LRP1B: variants seen among roughly 807,000 people sequenced by gnomAD.
LRP1B encodes LDL receptor related protein 1B, also known as low-density lipoprotein receptor-related protein 1B.
Under a neutral mutation model 556.6 loss-of-function variants are expected in LRP1B, and 217 were observed. The observed-to-expected ratio is 0.39, with a 90% CI of 0.35 to 0.44. LRP1B has a LOEUF of 0.44. Among genes scored for constraint, LRP1B ranks in the 20% least tolerant of loss-of-function variants. The pLI is 1.00. For synonymous variants in LRP1B, 2,047 were observed against 1,865.8 expected (o/e 1.10, Z -2.50); for missense variants, 5,053 against 5,620.8 (o/e 0.90, Z 3.23).
chr2:141,181,752 G>A (rs1249424), intron 7 of LRP1B, among the ~76,000 whole-genome samples: 151,763 of 152,042 alleles, frequency 1, 75,742 homozygotes, highest in Middle Eastern at 1. Flanking sequence ...TTGTAATAGA[G>A]ATATAATTTA....
rs571655963 is a variant in LRP1B, at chr2:140,457,688, G to A, written c.9626-37C>T. The A allele has an allele frequency of 2.5e-5, 38 of 1,508,208 alleles. No homozygotes were observed. The East Asian group carries it at 8.2e-4, about 33-fold the overall frequency. The allele number at this position is 1,508,208 out of a possible 1,614,324, so 93.4% of individuals were successfully genotyped here. A position where few individuals can be genotyped will look rare whatever the true frequency, so the allele number is the denominator to read the frequency against. ...GATGGTAAGATTAATGTTCAGTCTT[G>A]GAAGACTGCCAGTTAAAATATTCAA... is the stretch of plus-strand genomic sequence containing the variant. On this transcript the variant is annotated intron_variant, in intron 60 of 90. Transcript: ENST00000389484.
chr2:141,219,523 G>A (rs1682949151), intron 6 of LRP1B, among the ~76,000 whole-genome samples: 2 of 152,212 alleles, frequency 1.3e-5, no homozygotes, highest in Admixed American at 6.5e-5. Context: ...CCTGTCTGCT[G>A]GCAGTCCAGA....
chr2:140,921,565 T>G (rs1694737200), intron 21 of LRP1B, among the ~76,000 whole-genome samples: 1 of 152,024 alleles, frequency 6.6e-6, no homozygotes, highest in South Asian at 2.1e-4. Context: ...CTGCTAATTT[T>G]CAATTAATAC....
chr2:142,024,916 G>C (rs1703456357), intron 1 of LRP1B, among the ~76,000 whole-genome samples: 1 of 152,044 alleles, frequency 6.6e-6, no homozygotes, highest in African/African-American at 2.4e-5. Context: ...TGGAGATAAA[G>C]AGAATACAAA....
rs572498292 is a variant in LRP1B, at chr2:140,463,454, T to C, written c.9626-5803A>G. The stretch of plus-strand genomic sequence containing the variant: ...TACAACGAGCAGCTCTGAAGTGTTT[T>C]GTTCAATTTTGGCCTCTGTGAACAT... On this transcript the variant is annotated intron_variant, in intron 60 of 90. Transcript: ENST00000389484. 4.6e-5 allele frequency among the ~76,000 whole-genome samples: 7 copies of C among 152,346 alleles called. No individual in the cohort carries two copies. In the South Asian group the frequency reaches 1.4e-3, roughly 32 times the overall value.
At chr2:140,952,521 C>CA (rs771527069) in intron 18 of LRP1B, among the ~76,000 whole-genome samples, 23 of 147,388 alleles carry the variant, frequency 1.6e-4, no homozygotes, top group Middle Eastern at 3.2e-3. Flanking sequence ...ACAACAACAA[C>CA]AAAAAAAACA....
At chr2:140,732,251 C>G (rs1051804297) in intron 35 of LRP1B, among the ~76,000 whole-genome samples, 1 of 151,740 alleles carries the variant, frequency 6.6e-6, no homozygotes, top group Admixed American at 6.6e-5. Flanking sequence ...GAAAGGAAGT[C>G]CACATTTTAA....
intron 1 of LRP1B, among the ~76,000 whole-genome samples, chr2:141,888,134 C>G (rs1387932958): frequency 1.3e-5 from 2 of 152,096 alleles, no homozygotes; most frequent in Non-Finnish European, 2.9e-5. Flanking sequence ...ATGGACTTTG[C>G]CTAAAGTGGT....
intron 41 of LRP1B, among the ~76,000 whole-genome samples, chr2:140,670,832 C>A (rs566657302): frequency 6.6e-6 from 1 of 152,192 alleles, no homozygotes; most frequent in African/African-American, 2.4e-5. Context: ...TCGAAAATGG[C>A]AGTAGGAAGT....
chr2:140,407,784 A>C (rs966075822), intron 66 of LRP1B, among the ~76,000 whole-genome samples: 2 of 152,020 alleles, frequency 1.3e-5, no homozygotes, highest in African/African-American at 4.8e-5. Context: ...TCCTTAAAGA[A>C]CTAAGAACAG....
chr2:141,378,558 C>G lies in LRP1B; in HGVS notation c.343+101838G>C, dbSNP rs78914213. Among the ~76,000 whole-genome samples the G allele has an allele frequency of 9.2e-3, 1,400 of 152,196 alleles. 22 individuals are homozygous for G. The highest frequency in any genetic ancestry group is 0.032 in the African/African-American group (1,320 of 41,542). Reference sequence around the variant, plus strand: ...GCTCATGCCTGTTGTACCAGCTACTCAGGAAGCTGAGGCAGGATAATTGCT... The same window carrying G: ...GCTCATGCCTGTTGTACCAGCTACTGAGGAAGCTGAGGCAGGATAATTGCT... On this transcript the variant is annotated intron_variant, in intron 3 of 90. Coordinates refer to ENST00000389484, the MANE Select transcript of LRP1B (RefSeq NM_018557.3).
At chr2:140,305,684 A>C (rs948184977) in intron 83 of LRP1B, among the ~76,000 whole-genome samples, 1 of 152,120 alleles carries the variant, frequency 6.6e-6, no homozygotes, top group Non-Finnish European at 1.5e-5. Flanking sequence ...AACTTGCAAC[A>C]CTATGTTGAA....
intron 3 of LRP1B, among the ~76,000 whole-genome samples, chr2:141,396,190 A>T (rs549908877): frequency 1.3e-5 from 2 of 152,180 alleles, no homozygotes; most frequent in Non-Finnish European, 1.5e-5. Flanking sequence ...AATGTAACTC[A>T]ATATATGAAG....
At chr2:140,819,890 T>A (rs1691261149) in intron 31 of LRP1B, among the ~76,000 whole-genome samples, 1 of 152,190 alleles carries the variant, frequency 6.6e-6, no homozygotes, top group African/African-American at 2.4e-5. Context: ...TGACATTTTC[T>A]TATAAAATTC....
chr2:140,629,864 A>G (rs1336783285), intron 41 of LRP1B, among the ~76,000 whole-genome samples: 1 of 152,218 alleles, frequency 6.6e-6, no homozygotes, highest in Non-Finnish European at 1.5e-5. Flanking sequence ...AATTCAATAA[A>G]CTAATATAAT....
At chr2:141,166,208 C>G (rs1451966011) in intron 7 of LRP1B, among the ~76,000 whole-genome samples, 1 of 151,926 alleles carries the variant, frequency 6.6e-6, no homozygotes, top group Non-Finnish European at 1.5e-5. Context: ...CAGATATGCC[C>G]TCTCTTTCCT....
chr2:141,687,283 A>T (rs1376284173), intron 2 of LRP1B, among the ~76,000 whole-genome samples: 1 of 151,966 alleles, frequency 6.6e-6, no homozygotes, highest in Non-Finnish European at 1.5e-5. Context: ...CCTAGATAAC[A>T]TTAATAGGTT....
intron 2 of LRP1B, among the ~76,000 whole-genome samples, chr2:141,717,131 AAATT>A (rs1692632510): frequency 6.6e-6 from 1 of 152,150 alleles, no homozygotes; most frequent in Non-Finnish European, 1.5e-5. Flanking sequence ...ATGTCAGTAA[AAATT>A]AATCTCTTGC....
At chr2:140,508,355 C>G (rs1185014867) in intron 52 of LRP1B, among the ~76,000 whole-genome samples, 5 of 152,216 alleles carry the variant, frequency 3.3e-5, no homozygotes, top group Admixed American at 6.5e-5. Flanking sequence ...CACTTTAACA[C>G]TTAAGATACA....
Sources: gnomAD v4.1 joint callset for allele counts (sites outside exome capture counted in the v4.1 genomes callset) on GRCh38, gnomAD v4.1.1 for gene constraint, MANE v1.5 for transcripts, NCBI Gene and HGNC (gene_info 2026-07-23, HGNC 2026-07-21) for gene names.